EP300: variants seen among roughly 807,000 people sequenced by gnomAD.
The protein encoded by EP300 is EP300 lysine acetyltransferase, also known as histone acetyltransferase p300.
EP300 carries 31 observed loss-of-function variants against 264.0 expected under a neutral mutation model. That is an observed-to-expected ratio of 0.12 (90% CI 0.09 to 0.16). EP300 has a LOEUF of 0.16. EP300 is among the 10% of genes least tolerant of loss of function. The pLI is 1.00. For missense variants in EP300, 2,766 were observed against 3,052.9 expected, an observed-to-expected ratio of 0.91 and a Z score of 2.21; for synonymous variants, 1,340 against 1,045.4, an observed-to-expected ratio of 1.28 and a Z score of -5.44.
chr22:41,116,897 T>C (rs1302699459), intron 1 of EP300, among the ~76,000 whole-genome samples: 1 of 152,094 alleles, frequency 6.6e-6, no homozygotes, highest in Non-Finnish European at 1.5e-5. Flanking sequence ...CCGCCTCTAC[T>C]AAAAATACAA....
At position 41,117,046 on chromosome 22, in the gene EP300, G is replaced by GT. The variant is rs112836827; in HGVS notation, c.95-140dup. The GT allele has an allele frequency of 2.4e-5, 19 of 793,660 alleles. 1 individual carries two copies. In the African/African-American group the frequency reaches 2.6e-4, roughly 11 times the overall value. The allele number at this position is 793,660 out of a possible 1,614,324, so 49.2% of individuals were successfully genotyped here. A position where few individuals can be genotyped will look rare whatever the true frequency, so the allele number is the denominator to read the frequency against. On this transcript the variant is annotated intron_variant, in intron 1 of 30. Transcript: ENST00000263253. ...ACTGCACTCCAGCCTGTGCAACAGA[G>GT]TAAGACCCTGTCTCAAATAAATAGA...
rs1426476243 is a variant in EP300 at position 41,179,874 on chromosome 22, CCCCACTCA to C, written c.*920_*927del. ...TTGCTTTCTTCCTCCTTACCCTACC[CCCCACTCA>C]CACACACACACACACACACACACAC... On this transcript the variant is annotated 3_prime_UTR_variant, in exon 31 of 31. Coordinates refer to ENST00000263253, the MANE Select transcript of EP300 (RefSeq NM_001429.4). 479 of 153,282 alleles carry C rather than the reference CCCCACTCA, an allele frequency of 3.1e-3. 8 individuals are homozygous for C. The highest frequency in any genetic ancestry group is 0.013 in the African/African-American group (425 of 32,768). 9.5% of individuals were successfully genotyped at this position (153,282 alleles called of 1,614,324 possible).
chr22:41,119,172 ATTATTTTTTTTTTTTT>A (rs1287881888), intron 2 of EP300, among the ~76,000 whole-genome samples: 2 of 107,274 alleles, frequency 1.9e-5, no homozygotes, highest in African/African-American at 4.4e-5. Context: ...CTGGCTTATT[ATTATTTTTTTTTTTTT>A]TTTTTTTTTT....
At chr22:41,136,267 G>A (rs1053242807) in intron 7 of EP300, among the ~76,000 whole-genome samples, 3 of 152,196 alleles carry the variant, frequency 2.0e-5, no homozygotes, top group Admixed American at 6.5e-5. Context: ...CTCGCGATCC[G>A]TCTGCCTCAG....
Position 41,178,254 on chromosome 22 carries a change from C to T in EP300, c.6543C>T (p.Asp2181=), listed in dbSNP as rs149611960. The T allele has an allele frequency of 1.1e-5, 17 of 1,613,924 alleles. No individual in the cohort carries two copies. In the African/African-American group the frequency reaches 2.3e-4, roughly 22 times the overall value. The change falls in exon 31 of 31, where the codon GAC becomes GAT. Residue 2181 remains aspartate (D), a synonymous_variant. Coordinates refer to ENST00000263253, the MANE Select transcript of EP300 (RefSeq NM_001429.4). ...NHNTMPSQFR[D]ILRRQQMMQQ... is the part of the protein sequence containing the mutation. ...ACACCATGCCTTCACAATTCCGAGA[C>T]ATCTTGAGACGACAGCAAATGATGC...
intron 1 of EP300, among the ~76,000 whole-genome samples, chr22:41,109,586 T>C (rs1443301804): frequency 6.6e-6 from 1 of 152,252 alleles, no homozygotes; most frequent in Non-Finnish European, 1.5e-5. Context: ...GTAACATGTT[T>C]ATAGTGCTTA....
chr22:41,132,176 A>T (rs1181932296), intron 6 of EP300, among the ~76,000 whole-genome samples: 2 of 150,182 alleles, frequency 1.3e-5, no homozygotes, highest in African/African-American at 4.9e-5. Context: ...AGCCTGGGTG[A>T]CAGAGCAAGA....
At chr22:41,143,821 C>T (rs910231374) in intron 10 of EP300, among the ~76,000 whole-genome samples, 8 of 152,164 alleles carry the variant, frequency 5.3e-5, no homozygotes, top group South Asian at 2.1e-4. Flanking sequence ...TCAAGTGATC[C>T]GCGTACCTTG....
At chr22:41,115,362 TATCAC>T (rs1416496125) in intron 1 of EP300, among the ~76,000 whole-genome samples, 1 of 152,166 alleles carries the variant, frequency 6.6e-6, no homozygotes, top group Non-Finnish European at 1.5e-5. Context: ...AACAAAGAAT[TATCAC>T]ATAGCTCAAA....
intron 17 of EP300, among the ~76,000 whole-genome samples, chr22:41,156,072 C>T (rs57603436): frequency 0.016 from 2,401 of 152,024 alleles, 48 homozygotes; most frequent in African/African-American, 0.051. Context: ...AGTGCAATGG[C>T]GCAATCTCAG....
chr22:41,177,869 A>G lies in EP300; in HGVS notation c.6158A>G (p.Asn2053Ser). The G allele has an allele frequency of 6.2e-7, 1 of 1,613,912 alleles. No homozygotes were observed. The highest frequency in any genetic ancestry group is 1.3e-5 in the African/African-American group (1 of 74,970). The change falls in exon 31 of 31, where the codon AAC (asparagine) becomes AGC (serine). Residue 2053 changes from asparagine to serine, a missense_variant. By Grantham distance (46) the Asn-to-Ser change is conservative. Coordinates refer to ENST00000263253, the MANE Select transcript of EP300 (RefSeq NM_001429.4). ...PGTVSQQALQ[N>S]LLRTLRSPSS... ...ACTGTGTCTCAACAAGCCTTACAAA[A>G]CCTTTTGCGGACTCTCAGGTCTCCC...
intron 23 of EP300, chr22:41,168,132 AT>A (rs1343287787): frequency 8.0e-6 from 3 of 374,334 alleles, no homozygotes; most frequent in Non-Finnish European, 1.5e-5. Context: ...CCTGTTCTGT[AT>A]TTTTATAAAC....
chr22:41,169,153 C>G, intron 25 of EP300: 1 of 560,848 alleles, frequency 1.8e-6, no homozygotes, highest in Non-Finnish European at 3.2e-6. Flanking sequence ...GAGCTTAAAT[C>G]TGGATTAAGT....
At chr22:41,135,983 A>G in intron 7 of EP300, 77 bp downstream of exon 7, 2 of 1,152,432 alleles carry the variant, frequency 1.7e-6, no homozygotes, top group East Asian at 4.7e-5. Context: ...TGACTTTTGA[A>G]CTTAGTTTCC....
At chr22:41,124,018 T>C (rs1601602470) in intron 2 of EP300, among the ~76,000 whole-genome samples, 2 of 152,244 alleles carry the variant, frequency 1.3e-5, no homozygotes, top group Admixed American at 1.3e-4. Flanking sequence ...GAGGCCGAGG[T>C]GGGCAGATCA....
At position 41,178,370 on chromosome 22, in the gene EP300, C is replaced by T. The variant is rs555467754; in HGVS notation, c.6659C>T (p.Pro2220Leu). Residue 2220 changes from proline to leucine, a missense_variant, in exon 31 of 31, where the codon CCA becomes CTA. By Grantham distance (98) the Pro-to-Leu change is moderately conservative. Coordinates refer to ENST00000263253, the MANE Select transcript of EP300 (RefSeq NM_001429.4). ...QFQQPQGVGY[P>L]PQQQQRMQHH... ...CAGCAACCCCAAGGAGTTGGCTACC[C>T]ACCACAGCAGCAGCAGCGGATGCAG... 1 of 1,614,168 alleles carries T rather than the reference C, an allele frequency of 6.2e-7. No individual in the cohort carries two copies. The highest frequency in any genetic ancestry group is 1.3e-5 in the African/African-American group (1 of 75,040).
intron 10 of EP300, among the ~76,000 whole-genome samples, chr22:41,145,509 C>T (rs1322684441): frequency 6.6e-6 from 1 of 152,252 alleles, no homozygotes; most frequent in African/African-American, 2.4e-5. Flanking sequence ...TCACTACAGA[C>T]ATCTGTCCTT....
chr22:41,110,094 C>G (rs1032789803), intron 1 of EP300, among the ~76,000 whole-genome samples: 2 of 145,204 alleles, frequency 1.4e-5, no homozygotes, highest in Non-Finnish European at 3.0e-5. Context: ...CAGGTGTGAC[C>G]CACTGTGCCC....
chr22:41,110,119 C>A (rs2058780958), intron 1 of EP300, among the ~76,000 whole-genome samples: 1 of 85,666 alleles, frequency 1.2e-5, no homozygotes, highest in Non-Finnish European at 2.4e-5. Context: ...TGTTCCCTGC[C>A]CCCCCCCCCT....
Sources: allele counts gnomAD v4.1 joint callset (sites outside exome capture counted in the v4.1 genomes callset), GRCh38; gene constraint gnomAD v4.1.1; transcripts MANE v1.5; gene names NCBI Gene and HGNC (gene_info 2026-07-23, HGNC 2026-07-21).